Variants in ZNF827 observed in about 807,000 individuals in gnomAD.
The protein encoded by ZNF827 is zinc finger protein 827.
ZNF827 carries 13 observed loss-of-function variants against 102.4 expected under a neutral mutation model. The observed-to-expected ratio is 0.13, with a 90% confidence interval of 0.08 to 0.20. The LOEUF (loss-of-function observed/expected upper bound fraction) is 0.20. Among genes scored for constraint, ZNF827 ranks in the 10% least tolerant of loss-of-function variants. The probability of loss-of-function intolerance (pLI) is 1.00; values close to 1 mark genes in which losing one functional copy is unlikely to be tolerated. For synonymous variants in ZNF827, 523 were observed against 536.2 expected (o/e 0.98, Z 0.34); for missense variants, 1,103 against 1,344.4 (o/e 0.82, Z 2.81).
chr4:145,784,851 CTCT>C (rs758038271), intron 8 of ZNF827, among the ~76,000 whole-genome samples: 44 of 152,196 alleles, frequency 2.9e-4, no homozygotes, highest in Non-Finnish European at 5.4e-4. Context: ...TAATGGTAAC[CTCT>C]TTTTTTGTAC....
intron 9 of ZNF827, among the ~76,000 whole-genome samples, chr4:145,777,390 A>G (rs1241836425): frequency 6.6e-6 from 1 of 152,234 alleles, no homozygotes; most frequent in African/African-American, 2.4e-5. Context: ...TCAAAAGGTT[A>G]GAAAGAACTC....
chr4:145,893,335 A>G (rs1750749418), intron 2 of ZNF827, among the ~76,000 whole-genome samples: 2 of 152,278 alleles, frequency 1.3e-5, no homozygotes, highest in Non-Finnish European at 2.9e-5. Context: ...GAATAAAAAG[A>G]AGCAGAATCA....
chr4:145,866,622 C>T (rs189114508), intron 5 of ZNF827, among the ~76,000 whole-genome samples: 17 of 152,276 alleles, frequency 1.1e-4, no homozygotes, highest in Admixed American at 8.5e-4. Context: ...GAAATGTAAA[C>T]GTTTAATTTT....
Position 145,902,645 on chromosome 4 carries a change from C to T in ZNF827, c.614G>A (p.Ser205Asn). 6.2e-7 allele frequency: 1 copy of T among 1,614,018 alleles called. No individual in the cohort carries two copies. The highest frequency in any genetic ancestry group is 1.1e-5 in the South Asian group (1 of 91,078). The change falls in exon 2 of 15, where the codon AGC becomes AAC. Residue 205 changes from serine (S) to asparagine (N), a missense_variant. Around this residue, in one of 5 missense-constraint regions of ZNF827, gnomAD observed 441 missense variants for 458.6 expected, o/e 0.96. Transcript: ENST00000508784. The surrounding 1 kb of genome is among the most constrained non-coding windows in gnomAD (Gnocchi z 4.3). Reference protein sequence around the residue: ...KWLPNSTTTCSLSPDSAILKL... With the variant: ...KWLPNSTTTCNLSPDSAILKL... ...TAGGATGGCTGAATCCGGAGACAAG[C>T]TGCAGGTGGTGGTTGAGTTTGGCAA...
At chr4:145,884,656 A>C (rs1256328141) in intron 4 of ZNF827, among the ~76,000 whole-genome samples, 1 of 152,186 alleles carries the variant, frequency 6.6e-6, no homozygotes, top group Non-Finnish European at 1.5e-5. Context: ...ATGACAGGAA[A>C]AACAAAGTGC....
intron 2 of ZNF827, among the ~76,000 whole-genome samples, chr4:145,897,342 T>G (rs1400966227): frequency 6.6e-6 from 1 of 152,242 alleles, no homozygotes. Flanking sequence ...CTTCCTGTTG[T>G]TCAATCCTAT....
chr4:145,835,940 T>A (rs1037486211), intron 7 of ZNF827, among the ~76,000 whole-genome samples: 1 of 151,396 alleles, frequency 6.6e-6, no homozygotes, highest in East Asian at 2.0e-4. Flanking sequence ...GCCAAACCCA[T>A]ATACTCTCCT....
chr4:145,886,148 T>C lies in ZNF827; in HGVS notation c.1277A>G (p.His426Arg), dbSNP rs1166547238. The change falls in exon 4 of 15, where the codon CAC becomes CGC. Residue 426 changes from histidine to arginine, a missense_variant. His to Arg is a conservative substitution (Grantham distance 29). This residue lies in a region of ZNF827 where 157 missense variants were observed against 211.7 expected (regional missense o/e 0.74). Coordinates refer to ENST00000508784, the MANE Select transcript of ZNF827 (RefSeq NM_001306215.2). ...NLKSHMKVHQ[H>R]QDRGETFQCQ... ...CTGAAAGGTCTCTCCCCGATCCTGG[T>C]GCTGATGAACCTGACGGAGAAGCAA... The C allele has an allele frequency of 6.3e-7, 1 of 1,596,394 alleles. No individual in the cohort carries two copies. The highest frequency in any genetic ancestry group is 8.5e-7 in the Non-Finnish European group (1 of 1,172,170).
intron 2 of ZNF827, among the ~76,000 whole-genome samples, chr4:145,898,163 GATTTAT>G (rs2126871813): frequency 6.6e-6 from 1 of 152,226 alleles, no homozygotes; most frequent in Non-Finnish European, 1.5e-5. Context: ...ACAAACAAAA[GATTTAT>G]TATAATAACC....
chr4:145,803,514 C>G (rs189547363), intron 8 of ZNF827, among the ~76,000 whole-genome samples: 1 of 152,274 alleles, frequency 6.6e-6, no homozygotes, highest in Admixed American at 6.5e-5. Context: ...TGGAATCTAG[C>G]TGTTTGCAAA....
chr4:145,772,068 G>C (rs942656596), intron 11 of ZNF827, among the ~76,000 whole-genome samples: 7 of 152,170 alleles, frequency 4.6e-5, no homozygotes, highest in Non-Finnish European at 7.3e-5. Flanking sequence ...TTTCCTCCAT[G>C]CCAAGTAACT....
rs774596211 is a variant in ZNF827 at position 145,902,260 on chromosome 4, C to A, written c.999G>T (p.Pro333=). The change falls in exon 2 of 15, where the codon CCG becomes CCT. Residue 333 remains proline, a synonymous_variant. Coordinates refer to ENST00000508784, the MANE Select transcript of ZNF827 (RefSeq NM_001306215.2). The surrounding 1 kb of genome is among the most constrained non-coding windows in gnomAD (Gnocchi z 4.3). ...GTGGTGGTGGAGGTGGTGGAGGTGG[C>A]GGTGGAGGTGGCGGAGTGACTTTTT... is the stretch of plus-strand genomic sequence containing the variant. ...KPEKVTPPPP[P]PPPPPPPPPP... is the part of the protein sequence containing the mutation. 6.4e-7 allele frequency: 1 copy of A among 1,550,602 alleles called. No homozygotes were observed. Among genetic ancestry groups the A allele is most frequent in the South Asian group, 1.2e-5 (1 of 85,342 alleles).
intron 1 of ZNF827, among the ~76,000 whole-genome samples, chr4:145,911,800 G>A (rs1752317704): frequency 6.6e-6 from 1 of 152,182 alleles, no homozygotes; most frequent in Non-Finnish European, 1.5e-5. Flanking sequence ...TCAGCATTAA[G>A]TGAATGAATG....
rs1456146448 is a variant in ZNF827, at chr4:145,938,473, G to C, written c.-66C>G. On this transcript the variant is annotated 5_prime_UTR_variant, in exon 1 of 15. Coordinates refer to ENST00000508784, the MANE Select transcript of ZNF827 (RefSeq NM_001306215.2). ...GATCAAATAAACCCCCGTGGGGGCA[G>C]AGAGGCAGACACTGGCAGGAGCGGG... 4.5e-6 allele frequency: 6 copies of C among 1,339,534 alleles called. No individual in the cohort carries two copies. In the African/African-American group the frequency reaches 7.6e-5, roughly 17 times the overall value. 83.0% of individuals were successfully genotyped at this position (1,339,534 alleles called of 1,614,324 possible). A position where few individuals can be genotyped will look rare whatever the true frequency, so the allele number is the denominator to read the frequency against.
At chr4:145,846,092 A>G in intron 6 of ZNF827, 79 bp from the exon 7 acceptor site, 1 of 1,317,918 alleles carries the variant, frequency 7.6e-7, no homozygotes, top group South Asian at 1.2e-5. Flanking sequence ...AAGCAGAAAA[A>G]CCCTCAACAT....
At chr4:145,846,510 A>C (rs1745965539) in intron 6 of ZNF827, among the ~76,000 whole-genome samples, 1 of 142,948 alleles carries the variant, frequency 7.0e-6, no homozygotes, top group African/African-American at 2.7e-5. Flanking sequence ...ACACAACAAC[A>C]ACAACAAAAA....
chr4:145,860,452 A>G (rs981963888), intron 5 of ZNF827, among the ~76,000 whole-genome samples: 10 of 152,248 alleles, frequency 6.6e-5, no homozygotes, highest in African/African-American at 2.4e-4. Context: ...GGATGGTAGT[A>G]GTAGGAAGTA....
rs1232072651 is a variant in ZNF827 at position 145,885,747 on chromosome 4, T to C, written c.1678A>G (p.Ser560Gly). ...TCCTGGCTGAACAATGCTGACGCAC[T>C]GTTGGCCACATACTCGGAGGGGTCT... ...LKDPSEYVAN[S>G]ASALFSQDIS... Residue 560 changes from serine (S) to glycine (G), a missense_variant, in exon 4 of 15, where the codon AGT (serine) becomes GGT (glycine). This residue lies in a region of ZNF827 where 157 missense variants were observed against 211.7 expected (regional missense o/e 0.74). Coordinates refer to ENST00000508784, the MANE Select transcript of ZNF827 (RefSeq NM_001306215.2). 6.3e-7 allele frequency: 1 copy of C among 1,595,572 alleles called. No individual in the cohort carries two copies. The highest frequency in any genetic ancestry group is 8.5e-7 in the Non-Finnish European group (1 of 1,170,944).
At chr4:145,795,595 T>A (rs1424207833) in intron 8 of ZNF827, among the ~76,000 whole-genome samples, 1 of 152,234 alleles carries the variant, frequency 6.6e-6, no homozygotes, top group Non-Finnish European at 1.5e-5. Flanking sequence ...TCAGATCCCA[T>A]CAGGCTCAAA....
Sources: gnomAD v4.1 joint callset for allele counts (sites outside exome capture counted in the v4.1 genomes callset) on GRCh38, gnomAD v4.1.1 for gene constraint, gnomAD v4.1.1 regional missense constraint, Gnocchi (gnomAD v3.1) non-coding constraint, MANE v1.5 for transcripts, NCBI Gene and HGNC (gene_info 2026-07-23, HGNC 2026-07-21) for gene names.